The following PLCH1 variants were observed in gnomAD, a reference collection of about 807,000 sequenced individuals.
PLCH1 encodes the protein phospholipase C eta 1, also known as 1-phosphatidylinositol 4,5-bisphosphate phosphodiesterase eta-1.
A neutral mutation model predicts 126.7 loss-of-function variants in PLCH1; 60 were observed. The observed-to-expected ratio is 0.47, with a 90% confidence interval of 0.38 to 0.59. The LOEUF is 0.59. PLCH1 is among the 20% of genes least tolerant of loss of function. The pLI is 0.00. For missense variants in PLCH1, 1,723 were observed against 2,040.0 expected (o/e 0.84, Z 2.99); for synonymous variants, 719 against 734.9 (o/e 0.98, Z 0.35).
At chr3:155,550,836 G>A (rs950340237) in intron 9 of PLCH1, among the ~76,000 whole-genome samples, 8 of 152,072 alleles carry the variant, frequency 5.3e-5, no homozygotes, top group African/African-American at 1.9e-4. Flanking sequence ...ATATCAATGT[G>A]CAGAAAAACT....
At chr3:155,570,179 C>T (rs764409242) in intron 6 of PLCH1, among the ~76,000 whole-genome samples, 1 of 152,102 alleles carries the variant, frequency 6.6e-6, no homozygotes, top group Non-Finnish European at 1.5e-5. Flanking sequence ...TTCCCCATCC[C>T]CTGATCTCAT....
intron 2 of PLCH1, among the ~76,000 whole-genome samples, chr3:155,690,228 C>T (rs1170245323): frequency 6.6e-6 from 1 of 152,134 alleles, no homozygotes; most frequent in South Asian, 2.1e-4. Flanking sequence ...GTACCAGTCA[C>T]TTACCTTCTC....
intron 1 of PLCH1, among the ~76,000 whole-genome samples, chr3:155,710,104 C>T (rs1396033580): frequency 6.6e-6 from 1 of 152,134 alleles, no homozygotes; most frequent in Non-Finnish European, 1.5e-5. Flanking sequence ...TCTTCTGCCT[C>T]GGCCTCCCGA....
intron 4 of PLCH1, among the ~76,000 whole-genome samples, chr3:155,587,965 A>T (rs969710559): frequency 6.6e-6 from 1 of 152,216 alleles, no homozygotes; most frequent in Non-Finnish European, 1.5e-5. Flanking sequence ...AAACCAGAGA[A>T]TCAAAGTAAG....
At chr3:155,615,765 G>A (rs1412357467) in intron 2 of PLCH1, among the ~76,000 whole-genome samples, 1 of 152,100 alleles carries the variant, frequency 6.6e-6, no homozygotes, top group Non-Finnish European at 1.5e-5. Context: ...GGGACTCAGG[G>A]GGAGGGTTGG....
chr3:155,492,788 C>T lies in PLCH1; in HGVS notation c.2248G>A (p.Val750Ile). Residue 750 changes from valine (V) to isoleucine (I), a missense_variant, in exon 18 of 23, where the codon GTT (valine) becomes ATT (isoleucine). By Grantham distance (29) the Val-to-Ile change is conservative (BLOSUM62 3). Transcript: ENST00000460012. ...ANPKKQLILK[V>I]ISGQQLPKPP... is the part of the protein sequence containing the mutation. ...TTGGGGAGTTGCTGTCCACTGATAA[C>T]TTTCAGGATGAGCTGCTTTTTGGGG... is the stretch of plus-strand genomic sequence containing the variant. 2 of 1,605,808 alleles carry T rather than the reference C, an allele frequency of 1.2e-6. No individual in the cohort carries two copies. Among genetic ancestry groups the T allele is most frequent in the Non-Finnish European group, 1.7e-6 (2 of 1,176,510 alleles).
intron 1 of PLCH1, among the ~76,000 whole-genome samples, chr3:155,716,628 A>G (rs1296909051): frequency 6.6e-6 from 1 of 152,132 alleles, no homozygotes; most frequent in Non-Finnish European, 1.5e-5. Flanking sequence ...ATCTCACAAG[A>G]ACTCACTTAC....
chr3:155,736,902 A>G (rs1749221170), intron 1 of PLCH1, among the ~76,000 whole-genome samples: 1 of 151,088 alleles, frequency 6.6e-6, no homozygotes, highest in Non-Finnish European at 1.5e-5. Flanking sequence ...CATTTTATGT[A>G]TTAAGTTGAA....
intron 6 of PLCH1, among the ~76,000 whole-genome samples, chr3:155,578,137 T>C (rs1339711409): frequency 1.3e-5 from 2 of 152,188 alleles, no homozygotes; most frequent in African/African-American, 4.8e-5. Flanking sequence ...GATGGAGAAG[T>C]AGTTATATAA....
chr3:155,527,849 G>C (rs1333039906), intron 10 of PLCH1, among the ~76,000 whole-genome samples: 1 of 150,514 alleles, frequency 6.6e-6, no homozygotes, highest in African/African-American at 2.5e-5. Context: ...GAACCTGGGA[G>C]GCAGAAGTTG....
intron 2 of PLCH1, among the ~76,000 whole-genome samples, chr3:155,679,067 G>T (rs1744306317): frequency 6.6e-6 from 1 of 152,148 alleles, no homozygotes; most frequent in African/African-American, 2.4e-5. Context: ...GATGGAGAAA[G>T]ATGTAAGCCC....
At chr3:155,458,494 GAA>G (rs537143652) in intron 21 of PLCH1, among the ~76,000 whole-genome samples, 4 of 87,060 alleles carry the variant, frequency 4.6e-5, no homozygotes, top group African/African-American at 1.3e-4. Flanking sequence ...AAGAAAGAAA[GAA>G]AGAGAAAGAA....
intron 21 of PLCH1, among the ~76,000 whole-genome samples, chr3:155,461,628 A>G (rs543972662): frequency 6.6e-6 from 1 of 152,306 alleles, no homozygotes; most frequent in South Asian, 2.1e-4. Context: ...GAAATCCTCT[A>G]TAACCAACTG....
chr3:155,727,359 C>G (rs1748415048), intron 1 of PLCH1, among the ~76,000 whole-genome samples: 1 of 150,742 alleles, frequency 6.6e-6, no homozygotes, highest in Non-Finnish European at 1.5e-5. Context: ...GGGTTCTGCT[C>G]AGTACCAGCA....
chr3:155,536,153 G>A (rs112054105), intron 10 of PLCH1, among the ~76,000 whole-genome samples: 1 of 152,300 alleles, frequency 6.6e-6, no homozygotes, highest in Non-Finnish European at 1.5e-5. Flanking sequence ...ACCACCCTGT[G>A]GGACAAAAGA....
rs376670820 is a variant in PLCH1 at position 155,523,068 on chromosome 3, A to G, written c.1470+829T>C. On this transcript the variant is annotated intron_variant, in intron 11 of 22. Transcript: ENST00000460012. ...CGGCTCACTGCAAGCTCCGCCTCCC[A>G]GGTTCACGCCATTTTCCCGCCTCAG... Among the ~76,000 whole-genome samples the G allele has an allele frequency of 3.6e-4, 55 of 152,054 alleles. 1 individual carries two copies. The South Asian group carries it at 3.9e-3, about 11-fold the overall frequency.
chr3:155,583,650 G>A lies in PLCH1; in HGVS notation c.601-8C>T. Reference sequence around the variant, plus strand: ...CTCATCTGTGTCGGCTTCCTGAAAAGGGCATAGAGAAAATAAAGTAATATG... The same window carrying A: ...CTCATCTGTGTCGGCTTCCTGAAAAAGGCATAGAGAAAATAAAGTAATATG... On this transcript the variant is annotated splice_region_variant and splice_polypyrimidine_tract_variant and intron_variant, in intron 5 of 22. Transcript: ENST00000460012. 6.5e-7 allele frequency: 1 copy of A among 1,544,930 alleles called. No individual in the cohort carries two copies. The highest frequency in any genetic ancestry group is 1.4e-5 in the African/African-American group (1 of 70,838).
At chr3:155,529,399 TTC>T (rs1218361885) in intron 10 of PLCH1, among the ~76,000 whole-genome samples, 1 of 152,154 alleles carries the variant, frequency 6.6e-6, no homozygotes, top group African/African-American at 2.4e-5. Flanking sequence ...GTTTTTTTTT[TTC>T]ATAAGCAACG....
intron 2 of PLCH1, among the ~76,000 whole-genome samples, 165 bp downstream of exon 2, chr3:155,703,981 A>G (rs895829558): frequency 6.6e-6 from 1 of 152,244 alleles, no homozygotes; most frequent in Non-Finnish European, 1.5e-5. Flanking sequence ...AAGTGGAGAT[A>G]GTAAGTGCAA....
Sources: allele counts gnomAD v4.1 joint callset (sites outside exome capture counted in the v4.1 genomes callset), GRCh38; gene constraint gnomAD v4.1.1; transcripts MANE v1.5; gene names NCBI Gene and HGNC (gene_info 2026-07-23, HGNC 2026-07-21).